SOD2: variants seen among roughly 807,000 people sequenced by gnomAD.
The protein encoded by SOD2 is superoxide dismutase 2.
SOD2 carries 11 observed loss-of-function variants against 27.0 expected under a neutral mutation model. The observed-to-expected ratio is 0.41, with a 90% CI of 0.26 to 0.67. The LOEUF (loss-of-function observed/expected upper bound fraction) is 0.67. Ranked by LOEUF, SOD2 falls within the 30% of genes least tolerant of loss-of-function variation. SOD2 has a pLI of 0.34. For missense variants in SOD2, 250 were observed against 274.5 expected, an observed-to-expected ratio of 0.91 and a Z score of 0.63; for synonymous variants, 105 against 103.0, an observed-to-expected ratio of 1.02 and a Z score of -0.12.
upstream of SOD2, among the ~76,000 whole-genome samples, chr6:159,693,589 G>GT: frequency 6.6e-6 from 1 of 152,226 alleles, no homozygotes; most frequent in Non-Finnish European, 1.5e-5. Context: ...GCCCCTGAGG[G>GT]TGCCGGCGGG....
chr6:159,703,914 T>C (rs1777571142), intron 1 of SOD2, among the ~76,000 whole-genome samples: 1 of 152,232 alleles, frequency 6.6e-6, no homozygotes, highest in South Asian at 2.1e-4. Context: ...GAGCTTGAAG[T>C]TTTAAAATAA....
chr6:159,698,624 A>C (rs1277104286), intron 1 of SOD2, among the ~76,000 whole-genome samples: 1 of 151,736 alleles, frequency 6.6e-6, no homozygotes, highest in Non-Finnish European at 1.5e-5. Context: ...GAAAAAAAAA[A>C]AAACAAGAAA....
At chr6:159,710,922 A>T (rs190770792) in intron 1 of SOD2, among the ~76,000 whole-genome samples, 279 of 130,112 alleles carry the variant, frequency 2.1e-3, no homozygotes, top group African/African-American at 3.5e-3. Context: ...TGCTCTGATC[A>T]CCATAACCAC....
chr6:159,736,270 C>T, intron 1 of SOD2: 1 of 1,601,408 alleles, frequency 6.2e-7, no homozygotes. Flanking sequence ...TTCAAGATGA[C>T]CAACGAAGAA....
At chr6:159,685,882 C>T (rs1780166189) in intron 3 of SOD2, among the ~76,000 whole-genome samples, 1 of 152,196 alleles carries the variant, frequency 6.6e-6, no homozygotes, top group African/African-American at 2.4e-5. Flanking sequence ...TCCCCACTCA[C>T]TGTACTATCT....
At chr6:159,699,474 A>G (rs896378076) in intron 1 of SOD2, among the ~76,000 whole-genome samples, 12 of 152,114 alleles carry the variant, frequency 7.9e-5, no homozygotes, top group African/African-American at 2.9e-4. Flanking sequence ...AGAGCCCTCC[A>G]TAAGATCCTT....
At chr6:159,762,213 C>G in exon 1 of SOD2, 1 of 1,531,500 alleles carries the variant, frequency 6.5e-7, no homozygotes, top group African/African-American at 1.4e-5. Context: ...GAGGGCCGGA[C>G]TTGTGTAGGA....
chr6:159,688,070 C>A, intron 3 of SOD2, 56 bp downstream of exon 3: 1 of 955,226 alleles, frequency 1.0e-6, no homozygotes, highest in Non-Finnish European at 1.7e-6. Flanking sequence ...AGTAAATCAA[C>A]AATCGATTCC....
intron 3 of SOD2, 42 bp downstream of exon 3, chr6:159,688,084 T>G: frequency 9.5e-7 from 1 of 1,057,400 alleles, no homozygotes; most frequent in South Asian, 1.3e-5. Context: ...CGATTCCTAC[T>G]GTGCACAAAA....
At chr6:159,707,432 GA>G (rs1269686577) in intron 1 of SOD2, among the ~76,000 whole-genome samples, 3 of 152,092 alleles carry the variant, frequency 2.0e-5, no homozygotes, top group African/African-American at 7.2e-5. Flanking sequence ...TGTTAAAGGA[GA>G]TATCACCACC....
rs1252353797 is a variant in SOD2, at chr6:159,676,842, A to G, written c.*5651T>C. On this transcript the variant is annotated 3_prime_UTR_variant, in exon 5 of 5. Coordinates refer to ENST00000538183, the MANE Select transcript of SOD2 (RefSeq NM_000636.4). ...GGACTAAAACCAGGCATCTTGACCA[A>G]TATCCCACAGGTGCTCTGGTAAAAT... 1 of 152,128 alleles carries G rather than the reference A, an allele frequency of 6.6e-6. No homozygotes were observed. Among genetic ancestry groups the G allele is most frequent in the African/African-American group, 2.4e-5 (1 of 41,410 alleles). 9.4% of individuals were successfully genotyped at this position (152,128 alleles called of 1,614,324 possible).
At chr6:159,706,925 A>T (rs1777638664) in intron 1 of SOD2, among the ~76,000 whole-genome samples, 1 of 152,232 alleles carries the variant, frequency 6.6e-6, no homozygotes. Flanking sequence ...TGTCTCTCAA[A>T]CCACAGTGCA....
At chr6:159,746,198 C>G (rs1432296996), upstream of SOD2, among the ~76,000 whole-genome samples, 1 of 152,190 alleles carries the variant, frequency 6.6e-6, no homozygotes, top group Non-Finnish European at 1.5e-5. Context: ...TTGGATACCC[C>G]TGCTCTAGAG....
At chr6:159,732,888 T>A (rs1228344480) in intron 1 of SOD2, among the ~76,000 whole-genome samples, 655 of 40,124 alleles carry the variant, frequency 0.016, 6 homozygotes, top group African/African-American at 0.024. Context: ...ATATATATAG[T>A]GTGTGTGTGT....
intron 1 of SOD2, among the ~76,000 whole-genome samples, chr6:159,705,086 A>G (rs1369103348): frequency 2.0e-5 from 3 of 152,186 alleles, no homozygotes; most frequent in Non-Finnish European, 4.4e-5. Flanking sequence ...AAAACCAACA[A>G]ACAGAAAGGA....
intron 1 of SOD2, among the ~76,000 whole-genome samples, chr6:159,751,886 AC>A (rs1406161091): frequency 1.3e-5 from 2 of 152,178 alleles, no homozygotes; most frequent in African/African-American, 4.8e-5. Context: ...ACAAGGCGAA[AC>A]CCCATCTCTA....
intron 1 of SOD2, among the ~76,000 whole-genome samples, chr6:159,701,061 C>T: frequency 6.6e-6 from 1 of 152,146 alleles, no homozygotes; most frequent in East Asian, 1.9e-4. Context: ...TGTAAGATTT[C>T]CCTGTATTCC....
upstream of SOD2, among the ~76,000 whole-genome samples, chr6:159,694,967 GAAA>G (rs1777393622): frequency 6.6e-6 from 1 of 152,132 alleles, no homozygotes; most frequent in Non-Finnish European, 1.5e-5. Context: ...TGGAAGCTGA[GAAA>G]CATTTCTGCT....
chr6:159,685,675 TCC>T (rs1554258773), intron 3 of SOD2, among the ~76,000 whole-genome samples: 1 of 42,008 alleles, frequency 2.4e-5, no homozygotes, highest in African/African-American at 9.6e-5. Flanking sequence ...TCACCCCCCG[TCC>T]CCTTCTTTCT....
Sources: allele counts gnomAD v4.1 joint callset (sites outside exome capture counted in the v4.1 genomes callset), GRCh38; gene constraint gnomAD v4.1.1; transcripts MANE v1.5; gene names NCBI Gene and HGNC (gene_info 2026-07-23, HGNC 2026-07-21).